IFT43: variants seen among roughly 807,000 people sequenced by gnomAD.
IFT43 encodes intraflagellar transport protein 43 homolog.
In IFT43, 33 loss-of-function variants were observed where a neutral mutation model predicts 32.3. The ratio of observed to expected loss-of-function variants is 1.02; its 90% CI spans 0.77 to 1.37. The LOEUF (loss-of-function observed/expected upper bound fraction) is 1.37, where lower values mean the gene tolerates loss of function less well. Ranked by LOEUF, IFT43 falls within the 40% of genes most tolerant of loss-of-function variation. The pLI is 0.00. For synonymous variants in IFT43, 93 were observed against 98.2 expected (o/e 0.95, Z 0.31); for missense variants, 274 against 265.9 (o/e 1.03, Z -0.21).
chr14:76,065,388 T>C (rs1323432777), intron 5 of IFT43, among the ~76,000 whole-genome samples: 15 of 152,224 alleles, frequency 9.9e-5, no homozygotes, highest in Admixed American at 9.8e-4. Flanking sequence ...GATATCCTTA[T>C]TAAAGTATAC....
chr14:76,061,042 C>T (rs1054336660), intron 5 of IFT43, among the ~76,000 whole-genome samples: 2 of 152,086 alleles, frequency 1.3e-5, no homozygotes, highest in Admixed American at 6.6e-5. Context: ...GCTGGGACTA[C>T]AGTCACATGC....
intron 5 of IFT43, among the ~76,000 whole-genome samples, chr14:76,078,430 G>T (rs1373545572): frequency 6.6e-6 from 1 of 152,126 alleles, no homozygotes; most frequent in African/African-American, 2.4e-5. Context: ...CACCAGACTG[G>T]TGCCCCATGA....
At chr14:75,987,184 T>A (rs1345313851) in intron 1 of IFT43, among the ~76,000 whole-genome samples, 1 of 152,222 alleles carries the variant, frequency 6.6e-6, no homozygotes, top group Non-Finnish European at 1.5e-5. Flanking sequence ...AATTTTTGTT[T>A]TAGCACAACC....
intron 2 of IFT43, among the ~76,000 whole-genome samples, chr14:76,004,051 C>T (rs555010866): frequency 6.6e-6 from 1 of 152,296 alleles, no homozygotes; most frequent in East Asian, 1.9e-4. Context: ...GCTGGGATTA[C>T]AGGCGTGAAC....
At chr14:76,081,156 C>T (rs2037503666) in intron 5 of IFT43, among the ~76,000 whole-genome samples, 1 of 152,240 alleles carries the variant, frequency 6.6e-6, no homozygotes, top group South Asian at 2.1e-4. Context: ...CGTCACTTGA[C>T]TAGAGTGATC....
chr14:75,995,571 C>T (rs1056480619), intron 2 of IFT43, among the ~76,000 whole-genome samples: 23 of 152,164 alleles, frequency 1.5e-4, no homozygotes, highest in African/African-American at 4.8e-4. Flanking sequence ...CTCACTCGGC[C>T]GGAGCTCCCT....
intron 2 of IFT43, among the ~76,000 whole-genome samples, chr14:76,015,330 C>T (rs2036167178): frequency 6.6e-6 from 1 of 152,160 alleles, no homozygotes; most frequent in Non-Finnish European, 1.5e-5. Flanking sequence ...TTGCAGAGAG[C>T]TAAGCCTGCC....
rs76372076 is a variant in IFT43, at chr14:76,011,401, A to G, written c.148-10926A>G. Among the ~76,000 whole-genome samples the G allele has an allele frequency of 9.4e-3, 1,436 of 152,358 alleles. 26 individuals are homozygous for G. Among genetic ancestry groups the G allele is most frequent in the African/African-American group, 0.033 (1,368 of 41,578 alleles). ...TAGATTCCAGATGAATGGTTTAGGC[A>G]GGAAGTTTTCCTGGGTGGTGTCATG... On this transcript the variant is annotated intron_variant, in intron 2 of 8. Transcript: ENST00000314067.
chr14:76,083,487 G>A lies in IFT43; in HGVS notation c.537G>A (p.Leu179=). Residue 179 remains leucine (L), a synonymous_variant, in exon 9 of 9, where the codon CTG becomes CTA. Transcript: ENST00000314067. ...EDDVGWDWDH[L]FTEVSSEVLT... ...ATGTCGGCTGGGACTGGGACCATCT[G>A]TTCACTGAGGTGTCCTCAGAGGTCC... 1.2e-6 allele frequency: 2 copies of A among 1,614,168 alleles called. No homozygotes were observed. The highest frequency in any genetic ancestry group is 8.5e-7 in the Non-Finnish European group (1 of 1,180,020).
In IFT43 at chr14:75,999,272, TGTATATA is replaced by T. The variant is rs1179255378; in HGVS notation, c.147+10296_147+10302del. On this transcript the variant is annotated intron_variant, in intron 2 of 8. Transcript: ENST00000314067. ...ATATATATATATATATATATATATA[TGTATATA>T]TATTTTTTTTTTTTTTTTTTTAATT... Among the ~76,000 whole-genome samples the T allele has an allele frequency of 5.7e-3, 152 of 26,476 alleles. 2 individuals are homozygous for T. The highest frequency in any genetic ancestry group is 0.017 in the Middle Eastern group (1 of 58). 17.4% of individuals were successfully genotyped at this position (26,476 alleles called of 152,430 possible).
At chr14:76,061,781 C>T (rs895129681) in intron 5 of IFT43, among the ~76,000 whole-genome samples, 17 of 152,004 alleles carry the variant, frequency 1.1e-4, no homozygotes, top group African/African-American at 2.7e-4. Flanking sequence ...AGAAGTGTTT[C>T]GGAGTTCAGA....
chr14:76,033,059 A>G (rs2036536181), intron 3 of IFT43, among the ~76,000 whole-genome samples: 1 of 152,232 alleles, frequency 6.6e-6, no homozygotes, highest in African/African-American at 2.4e-5. Flanking sequence ...TGAGTCATCT[A>G]CAAAAGTAGG....
At chr14:76,024,475 T>C (rs140882796) in intron 3 of IFT43, among the ~76,000 whole-genome samples, 3 of 152,348 alleles carry the variant, frequency 2.0e-5, no homozygotes, top group Non-Finnish European at 4.4e-5. Context: ...ACTGGCTATG[T>C]AAACCTGGGG....
chr14:76,022,180 G>A (rs1253865366), intron 2 of IFT43, 147 bp from the exon 3 acceptor site: 8 of 635,172 alleles, frequency 1.3e-5, no homozygotes, highest in African/African-American at 1.1e-4. Context: ...GAACCCAGGA[G>A]GCGGAGGTTC....
At chr14:76,074,285 G>A (rs913680613) in intron 5 of IFT43, among the ~76,000 whole-genome samples, 1 of 152,086 alleles carries the variant, frequency 6.6e-6, no homozygotes, top group African/African-American at 2.4e-5. Context: ...CTCAGCTTCC[G>A]TTCCTTCTAG....
At position 76,076,457 on chromosome 14, in the gene IFT43, AC is replaced by A. The variant is rs527887603; in HGVS notation, c.296-5835del. Reference sequence around the variant, plus strand: ...CCTGAGGCATCTCTGCCTGGGTGGGACCCAGGGGCCAGATTGGGGTGTCTCC... The same window carrying A: ...CCTGAGGCATCTCTGCCTGGGTGGGACCAGGGGCCAGATTGGGGTGTCTCC... On this transcript the variant is annotated intron_variant, in intron 5 of 8. Transcript: ENST00000314067. 1.3e-3 allele frequency: 1,677 copies of A among 1,272,290 alleles called. 28 individuals carry two copies. The highest frequency in any genetic ancestry group is 4.3e-4 in the Non-Finnish European group (383 of 900,598). The allele number at this position is 1,272,290 out of a possible 1,614,324, so 78.8% of individuals were successfully genotyped here.
chr14:76,019,838 T>C (rs79094967), intron 2 of IFT43, among the ~76,000 whole-genome samples: 3,674 of 152,192 alleles, frequency 0.024, 147 homozygotes, highest in African/African-American at 0.083. Flanking sequence ...TCTAGTTTAT[T>C]ATTGAAGCTC....
At chr14:76,066,815 A>T (rs1179214593) in intron 5 of IFT43, among the ~76,000 whole-genome samples, 2 of 152,218 alleles carry the variant, frequency 1.3e-5, no homozygotes, top group Non-Finnish European at 2.9e-5. Flanking sequence ...ACCAATTCCA[A>T]AGGACAAGGT....
intron 3 of IFT43, among the ~76,000 whole-genome samples, chr14:76,041,604 C>T (rs565657875): frequency 3.9e-5 from 6 of 152,104 alleles, no homozygotes; most frequent in Admixed American, 6.6e-5. Context: ...TCTTTAATGA[C>T]GTAAAAATTC....
Sources: gnomAD v4.1 joint callset for allele counts (sites outside exome capture counted in the v4.1 genomes callset) on GRCh38, gnomAD v4.1.1 for gene constraint, MANE v1.5 for transcripts, NCBI Gene and HGNC (gene_info 2026-07-23, HGNC 2026-07-21) for gene names.